DNM3: variants seen among roughly 807,000 people sequenced by gnomAD.
DNM3 encodes the protein dynamin-3.
A neutral mutation model predicts 101.6 loss-of-function variants in DNM3; 47 were observed. The ratio of observed to expected loss-of-function variants is 0.46; its 90% CI spans 0.37 to 0.59. DNM3 has a LOEUF of 0.59. Among genes scored for constraint, DNM3 ranks in the 20% least tolerant of loss-of-function variants. DNM3 has a pLI of 0.00. For missense variants in DNM3, 849 were observed against 1,085.7 expected, an observed-to-expected ratio of 0.78 and a Z score of 3.06; for synonymous variants, 385 against 387.9, an observed-to-expected ratio of 0.99 and a Z score of 0.09.
rs906649142 is a variant in DNM3 at position 172,171,383 on chromosome 1, G to A, written c.1659+40095G>A. On this transcript the variant is annotated intron_variant, in intron 14 of 20. Coordinates refer to ENST00000627582, the MANE Select transcript of DNM3 (RefSeq NM_015569.5). ...TTTTAAATGGAATTGAATGCTGTAT[G>A]ATAAAAGTATATGAATAGTTTTTGC... Among the ~76,000 whole-genome samples the A allele has an allele frequency of 7.2e-5, 11 of 151,858 alleles. No individual in the cohort carries two copies. In the East Asian group the frequency reaches 1.9e-3, roughly 27 times the overall value.
At chr1:171,916,240 T>C (rs2039699365) in intron 1 of DNM3, among the ~76,000 whole-genome samples, 1 of 152,202 alleles carries the variant, frequency 6.6e-6, no homozygotes, top group Non-Finnish European at 1.5e-5. Flanking sequence ...GCAAATTATC[T>C]GACTTTTTTG....
intron 2 of DNM3, among the ~76,000 whole-genome samples, chr1:171,945,039 T>A (rs981673307): frequency 2.2e-4 from 33 of 151,552 alleles, no homozygotes; most frequent in South Asian, 4.2e-4. Context: ...GATTTTTTTT[T>A]AAAAATTATT....
At chr1:172,045,162 TGGGTGGGGTTGG>T (rs2049690987) in intron 9 of DNM3, among the ~76,000 whole-genome samples, 1 of 141,444 alleles carries the variant, frequency 7.1e-6, no homozygotes, top group Non-Finnish European at 1.5e-5. Flanking sequence ...GGACCTGAGC[TGGGTGGGGTTGG>T]GGGTGGGGTA....
At chr1:171,997,406 T>G (rs2046072719) in intron 4 of DNM3, among the ~76,000 whole-genome samples, 1 of 152,150 alleles carries the variant, frequency 6.6e-6, no homozygotes, top group Admixed American at 6.5e-5. Flanking sequence ...AGGATTATCC[T>G]GAGCTTGGCT....
intron 13 of DNM3, 48 bp from the exon 14 acceptor site, chr1:172,131,127 T>C: frequency 6.5e-7 from 1 of 1,528,290 alleles, no homozygotes; most frequent in Non-Finnish European, 9.0e-7. Flanking sequence ...TAATCTCCAG[T>C]GGCTTTTGTT....
At chr1:172,414,376 G>A (rs2071352533), downstream of DNM3, among the ~76,000 whole-genome samples, 1 of 152,160 alleles carries the variant, frequency 6.6e-6, no homozygotes, top group South Asian at 2.1e-4. Context: ...ATACACCAAT[G>A]GTTTTTTGGC....
intron 1 of DNM3, among the ~76,000 whole-genome samples, chr1:171,847,363 C>A (rs1395233013): frequency 6.6e-6 from 1 of 152,106 alleles, no homozygotes. Flanking sequence ...TGTCATCTGG[C>A]AGCCCATATC....
intron 14 of DNM3, among the ~76,000 whole-genome samples, chr1:172,213,517 C>CAAAAAAAAAAAAAAAAAAAAAAAAA: frequency 1.3e-5 from 1 of 79,390 alleles, no homozygotes. Context: ...TCCATTGTTA[C>CAAAAAAAAAAAAAAAAAAAAAAAAA]AAAAAAAAAA....
chr1:172,266,647 A>G lies in DNM3; in HGVS notation c.1769+12965A>G, dbSNP rs186548830. On this transcript the variant is annotated intron_variant, in intron 15 of 20. Transcript: ENST00000627582. Reference sequence around the variant, plus strand: ...AATACCCTGATTCAGGAAGGTTTTTATTTGTCAGATGATTCAGTCAGTAAT... The same window carrying G: ...AATACCCTGATTCAGGAAGGTTTTTGTTTGTCAGATGATTCAGTCAGTAAT... Among the ~76,000 whole-genome samples the G allele has an allele frequency of 5.3e-5, 8 of 152,280 alleles. No individual in the cohort carries two copies. In the East Asian group the frequency reaches 1.2e-3, roughly 22 times the overall value.
chr1:172,418,466 A>T, exon 21 of DNM3: 1 of 545,504 alleles, frequency 1.8e-6, no homozygotes, highest in South Asian at 3.7e-5. Flanking sequence ...CTATATAAAA[A>T]TGAAGTGTGT....
chr1:172,002,923 C>G (rs1358362705), intron 4 of DNM3, among the ~76,000 whole-genome samples: 1 of 151,906 alleles, frequency 6.6e-6, no homozygotes, highest in Non-Finnish European at 1.5e-5. Flanking sequence ...GCGTTCATTC[C>G]TTTTTTGCCA....
At chr1:172,116,615 G>A (rs2055913486) in intron 13 of DNM3, among the ~76,000 whole-genome samples, 1 of 152,150 alleles carries the variant, frequency 6.6e-6, no homozygotes. Context: ...AGCCACCTCA[G>A]CTCTATGAAC....
intron 17 of DNM3, among the ~76,000 whole-genome samples, chr1:172,332,037 C>CA (rs888655988): frequency 8.7e-5 from 13 of 148,620 alleles, no homozygotes; most frequent in Non-Finnish European, 1.2e-4. Context: ...AGGGCAAAAT[C>CA]AAAAAAAAAG....
rs530678886 is a variant in DNM3 at position 171,953,265 on chromosome 1, T to C, written c.235+31444T>C. On this transcript the variant is annotated intron_variant, in intron 2 of 20. Transcript: ENST00000627582. Reference sequence around the variant, plus strand: ...CAAACTTTGCTGCTATTTTTTTCCTTTGTAATTAAATGCCATATGCACACC... The same window carrying C: ...CAAACTTTGCTGCTATTTTTTTCCTCTGTAATTAAATGCCATATGCACACC... 1.3e-4 allele frequency among the ~76,000 whole-genome samples: 20 copies of C among 152,284 alleles called. No individual in the cohort carries two copies. The Middle Eastern group carries it at 0.01, about 78-fold the overall frequency.
intron 14 of DNM3, among the ~76,000 whole-genome samples, chr1:172,217,444 T>A (rs2148548019): frequency 6.6e-6 from 1 of 152,266 alleles, no homozygotes; most frequent in Non-Finnish European, 1.5e-5. Flanking sequence ...CTGGCTCCTT[T>A]TGTGTAGCGG....
At chr1:171,955,965 C>T (rs1293979919) in intron 2 of DNM3, among the ~76,000 whole-genome samples, 5 of 152,266 alleles carry the variant, frequency 3.3e-5, no homozygotes, top group Middle Eastern at 3.4e-3. Context: ...TTCACTATCA[C>T]GAGAACAGCA....
chr1:171,843,427 C>T (rs2031582308), intron 1 of DNM3, among the ~76,000 whole-genome samples: 1 of 152,052 alleles, frequency 6.6e-6, no homozygotes, highest in African/African-American at 2.4e-5. Flanking sequence ...AAGTGGCATC[C>T]AAAGAGTGAG....
intron 1 of DNM3, among the ~76,000 whole-genome samples, chr1:171,843,290 G>C (rs2031557607): frequency 6.6e-6 from 1 of 151,770 alleles, no homozygotes; most frequent in Non-Finnish European, 1.5e-5. Context: ...TATTTTTTTT[G>C]ATTAATGAAC....
chr1:172,115,557 C>T (rs1369781894), intron 13 of DNM3, among the ~76,000 whole-genome samples: 1 of 152,216 alleles, frequency 6.6e-6, no homozygotes, highest in Non-Finnish European at 1.5e-5. Context: ...CCTCCAGCCT[C>T]TCTGATCCAA....
Sources: gnomAD v4.1 joint callset for allele counts (sites outside exome capture counted in the v4.1 genomes callset) on GRCh38, gnomAD v4.1.1 for gene constraint, MANE v1.5 for transcripts, NCBI Gene and HGNC (gene_info 2026-07-23, HGNC 2026-07-21) for gene names.